Variants in SPAM1 observed in about 807,000 individuals in gnomAD.
The protein encoded by SPAM1 is hyaluronidase PH-20.
SPAM1 carries 22 observed loss-of-function variants against 29.6 expected under a neutral mutation model. The observed-to-expected ratio is 0.74, with a 90% confidence interval of 0.53 to 1.06. The LOEUF is 1.06. Ranked by LOEUF, SPAM1 falls within the 50% of genes least tolerant of loss-of-function variation. SPAM1 has a pLI of 0.00. For synonymous variants in SPAM1, 194 were observed against 204.6 expected (o/e 0.95, Z 0.44); for missense variants, 534 against 604.0 (o/e 0.88, Z 1.21).
chr7:123,970,656 A>G (rs1304420978), intron 6 of SPAM1, among the ~76,000 whole-genome samples: 2 of 150,796 alleles, frequency 1.3e-5, no homozygotes, highest in African/African-American at 2.4e-5. Flanking sequence ...GAACTTCAAC[A>G]TATGAATTTT....
chr7:123,959,576 G>A lies in SPAM1; in HGVS notation c.1137G>A (p.Val379=). 6.2e-7 allele frequency: 1 copy of A among 1,613,142 alleles called. No individual in the cohort carries two copies. Among genetic ancestry groups the A allele is most frequent in the Non-Finnish European group, 8.5e-7 (1 of 1,179,496 alleles). The stretch of plus-strand genomic sequence containing the variant: ...TAGCAGCCAAAATGTGTAGCCAAGT[G>A]CTTTGCCAGGAGCAAGGAGTGTGTA... ...VTLAAKMCSQ[V]LCQEQGVCIR... The change falls in exon 5 of 5, where the codon GTG becomes GTA. Residue 379 remains valine, a synonymous_variant. Coordinates refer to ENST00000682466, the MANE Select transcript of SPAM1 (RefSeq NM_153189.3).
At chr7:123,963,007 G>T (rs545694183), downstream of SPAM1, among the ~76,000 whole-genome samples, 88 of 151,894 alleles carry the variant, frequency 5.8e-4, 1 homozygote, top group South Asian at 0.011. Context: ...TTAAAGGAAA[G>T]TTCTTGTTAG....
At chr7:123,951,309 G>C (rs573167370) in intron 2 of SPAM1, among the ~76,000 whole-genome samples, 2 of 152,034 alleles carry the variant, frequency 1.3e-5, no homozygotes, top group South Asian at 2.1e-4. Context: ...TTTGCTTTTG[G>C]GGTCTTAGTC....
intron 4 of SPAM1, 146 bp from the exon 5 acceptor site, chr7:123,959,338 G>A (rs1792313915): frequency 3.3e-6 from 2 of 600,442 alleles, no homozygotes; most frequent in Admixed American, 6.4e-5. Context: ...AATCTTGTTG[G>A]TTAAGGTAAA....
intron 1 of SPAM1, among the ~76,000 whole-genome samples, chr7:123,938,653 G>C (rs906392397): frequency 1.3e-5 from 2 of 152,158 alleles, no homozygotes; most frequent in Admixed American, 1.3e-4. Context: ...ATATGTAGAA[G>C]ATTTAGTAAC....
chr7:123,954,607 T>A (rs1792205437), intron 3 of SPAM1, 83 bp downstream of exon 3: 1 of 941,140 alleles, frequency 1.1e-6, no homozygotes, highest in Non-Finnish European at 1.6e-6. Flanking sequence ...TTGAAGGGAG[T>A]GAAATCTAGC....
chr7:123,962,729 A>C (rs191240430), downstream of SPAM1, among the ~76,000 whole-genome samples: 576 of 151,994 alleles, frequency 3.8e-3, 3 homozygotes, highest in Non-Finnish European at 5.9e-3. Context: ...ATTATGAAAT[A>C]ATACTAAGTG....
In SPAM1 at chr7:123,953,673, ACT is replaced by A; in HGVS notation, c.106_107del (p.Leu36GlufsTer22). On this transcript the variant is annotated frameshift_variant, in exon 3 of 5. Coordinates refer to ENST00000682466, the MANE Select transcript of SPAM1 (RefSeq NM_153189.3). LOFTEE classifies it high-confidence loss of function. ...CTTCCTTCTGATTCCATGTTGCTTG[ACT>A]CTGAATTTCAGAGCACCTCCTGTTA... is the stretch of plus-strand genomic sequence containing the variant. ...FTFLLIPCCLTLNFRAPPVIP... is the reference protein window; with the variant it reads ...FTFLLIPCCLXLNFRAPPVIP... 1 of 1,612,928 alleles carries A rather than the reference ACT, an allele frequency of 6.2e-7. No individual in the cohort carries two copies. The highest frequency in any genetic ancestry group is 1.3e-5 in the African/African-American group (1 of 74,862).
chr7:123,947,275 T>C (rs1413147816), intron 1 of SPAM1, among the ~76,000 whole-genome samples: 1 of 152,054 alleles, frequency 6.6e-6, no homozygotes, highest in Non-Finnish European at 1.5e-5. Flanking sequence ...TAAGTCCAGG[T>C]GCATGGCTCA....
chr7:123,970,312 TTG>T (rs1277317667), intron 6 of SPAM1: 2 of 1,519,842 alleles, frequency 1.3e-6, no homozygotes, highest in African/African-American at 2.8e-5. Flanking sequence ...TATCTTCTCC[TTG>T]TGTCTTCCAT....
intron 1 of SPAM1, among the ~76,000 whole-genome samples, chr7:123,932,966 T>G (rs987122626): frequency 1.3e-5 from 2 of 152,174 alleles, no homozygotes; most frequent in African/African-American, 4.8e-5. Flanking sequence ...TTCCTGAAGT[T>G]CTGTGGCTGA....
rs1185428429 is a variant in SPAM1, at chr7:123,954,274, A to G, written c.704A>G (p.Asn235Ser). Residue 235 changes from asparagine (N) to serine (S), a missense_variant, in exon 3 of 5, where the codon AAT becomes AGT. Transcript: ENST00000682466. ...CATCACTATAAGAAACCCGGTTACA[A>G]TGGAAGTTGCTTCAATGTAGAAATA... ...YNHHYKKPGYNGSCFNVEIKR... is the reference protein window; with the variant it reads ...YNHHYKKPGYSGSCFNVEIKR... 6.2e-6 allele frequency: 10 copies of G among 1,612,596 alleles called. No homozygotes were observed. The highest frequency in any genetic ancestry group is 2.7e-5 in the African/African-American group (2 of 74,916).
intron 2 of SPAM1, among the ~76,000 whole-genome samples, chr7:123,952,358 G>T (rs1425561957): frequency 6.6e-6 from 1 of 151,972 alleles, no homozygotes; most frequent in Non-Finnish European, 1.5e-5. Flanking sequence ...CATGTTCCTG[G>T]GAAGAATAGT....
At chr7:123,937,122 C>T (rs966376775) in intron 1 of SPAM1, among the ~76,000 whole-genome samples, 10 of 152,136 alleles carry the variant, frequency 6.6e-5, no homozygotes, top group Non-Finnish European at 1.3e-4. Context: ...AGAGATACCC[C>T]TAATCTAATT....
chr7:123,948,512 C>A (rs1282522284), intron 1 of SPAM1, among the ~76,000 whole-genome samples: 4 of 151,996 alleles, frequency 2.6e-5, no homozygotes, highest in African/African-American at 9.7e-5. Context: ...AGGCTGGAGG[C>A]CATTTTCAGT....
chr7:123,948,705 T>A (rs1428157252), intron 1 of SPAM1, among the ~76,000 whole-genome samples: 4 of 152,256 alleles, frequency 2.6e-5, no homozygotes, highest in East Asian at 3.9e-4. Flanking sequence ...TCTGAATTTT[T>A]AAAAATATTT....
At chr7:123,947,455 T>C (rs1490036973) in intron 1 of SPAM1, among the ~76,000 whole-genome samples, 3 of 151,956 alleles carry the variant, frequency 2.0e-5, no homozygotes, top group Non-Finnish European at 4.4e-5. Flanking sequence ...GAGGCTGAAG[T>C]GGGAGGATCA....
chr7:123,954,631 C>T lies in SPAM1; in HGVS notation c.954+107C>T, dbSNP rs78201459. ...GTGAAATCTAGCTTTTAATATTAGT[C>T]AGGAATGTGTACACAAGTAGATCAA... On this transcript the variant is annotated intron_variant, in intron 3 of 4. Transcript: ENST00000682466. 2.2e-3 allele frequency: 1,603 copies of T among 737,484 alleles called. 51 individuals carry two copies. In the East Asian group the frequency reaches 0.039, roughly 18 times the overall value. The allele number at this position is 737,484 out of a possible 1,614,324, so 45.7% of individuals were successfully genotyped here. A position where few individuals can be genotyped will look rare whatever the true frequency, so the allele number is the denominator to read the frequency against.
chr7:123,951,609 T>C (rs1026082827), intron 2 of SPAM1, among the ~76,000 whole-genome samples: 12 of 152,040 alleles, frequency 7.9e-5, no homozygotes, highest in Admixed American at 7.2e-4. Context: ...TTCTGCCCCA[T>C]GTTTTTCTTT....
Sources: allele counts gnomAD v4.1 joint callset (sites outside exome capture counted in the v4.1 genomes callset), GRCh38; gene constraint gnomAD v4.1.1; transcripts MANE v1.5; gene names NCBI Gene and HGNC (gene_info 2026-07-23, HGNC 2026-07-21).